ADAMTS19: variants seen among roughly 807,000 people sequenced by gnomAD.
The protein encoded by ADAMTS19 is A disintegrin and metalloproteinase with thrombospondin motifs 19.
ADAMTS19 carries 93 observed loss-of-function variants against 153.3 expected under a neutral mutation model. The observed-to-expected ratio is 0.61, with a 90% CI of 0.51 to 0.72. ADAMTS19 has a LOEUF of 0.72. Ranked by LOEUF, ADAMTS19 falls within the 30% of genes least tolerant of loss-of-function variation. The pLI is 0.00. For synonymous variants in ADAMTS19, 600 were observed against 556.6 expected, an observed-to-expected ratio of 1.08 and a Z score of -1.10; for missense variants, 1,482 against 1,552.1, an observed-to-expected ratio of 0.95 and a Z score of 0.76.
chr5:129,548,458 A>T (rs1429993007), intron 6 of ADAMTS19, among the ~76,000 whole-genome samples: 5 of 152,132 alleles, frequency 3.3e-5, no homozygotes, highest in Admixed American at 2.0e-4. Flanking sequence ...GACAAATGCA[A>T]ATCAAAACCA....
At chr5:129,472,997 A>G (rs1005257794) in intron 2 of ADAMTS19, among the ~76,000 whole-genome samples, 3 of 151,836 alleles carry the variant, frequency 2.0e-5, no homozygotes, top group Non-Finnish European at 4.4e-5. Context: ...ACTCTTTGTG[A>G]GAGGTTATCT....
At chr5:129,611,266 T>C (rs966514553) in intron 8 of ADAMTS19, among the ~76,000 whole-genome samples, 1 of 152,160 alleles carries the variant, frequency 6.6e-6, no homozygotes, top group Non-Finnish European at 1.5e-5. Context: ...GTAGTTTCTT[T>C]TGCTGTGCAG....
chr5:129,592,796 A>G (rs955983564), intron 7 of ADAMTS19, among the ~76,000 whole-genome samples: 1 of 152,166 alleles, frequency 6.6e-6, no homozygotes, highest in Non-Finnish European at 1.5e-5. Context: ...CAAATTTCAT[A>G]GACATGATTA....
At position 129,648,870 on chromosome 5, in the gene ADAMTS19, T is replaced by G; in HGVS notation, c.2076T>G (p.Pro692=). 1 of 1,614,006 alleles carries G rather than the reference T, an allele frequency of 6.2e-7. No individual in the cohort carries two copies. Among genetic ancestry groups the G allele is most frequent in the Non-Finnish European group, 8.5e-7 (1 of 1,179,906 alleles). ...GAATATGTGAGAATCCACCTTGTCC[T>G]GCAGGTTTGCCTGGATTCAGAGACT... ...QYRICENPPC[P]AGLPGFRDWQ... The change falls in exon 13 of 23, where the codon CCT becomes CCG. Residue 692 remains proline (P), a synonymous_variant. Transcript: ENST00000274487.
intron 7 of ADAMTS19, among the ~76,000 whole-genome samples, chr5:129,558,780 T>C (rs6864626): frequency 0.84 from 126,953 of 151,940 alleles, 53,281 homozygotes; most frequent in Non-Finnish European, 0.88. Context: ...TGCAGTTGCC[T>C]GTATTTGGAA....
At chr5:129,725,534 T>A (rs1457860511) in intron 21 of ADAMTS19, among the ~76,000 whole-genome samples, 1 of 152,132 alleles carries the variant, frequency 6.6e-6, no homozygotes, top group Non-Finnish European at 1.5e-5. Flanking sequence ...ACTTGCCCAA[T>A]TCCTGAGATC....
At chr5:129,734,892 A>G in intron 21 of ADAMTS19, 40 bp from the exon 22 acceptor site, 1 of 1,453,778 alleles carries the variant, frequency 6.9e-7, no homozygotes, top group Non-Finnish European at 9.1e-7. Flanking sequence ...CAAAAAATAA[A>G]AATAAAAAAG....
chr5:129,610,869 T>A lies in ADAMTS19; in HGVS notation c.1479-9749T>A, dbSNP rs556214706. On this transcript the variant is annotated intron_variant, in intron 8 of 22. Coordinates refer to ENST00000274487, the MANE Select transcript of ADAMTS19 (RefSeq NM_133638.6). ...AGATCCCTGAGGAATCGCCACACTG[T>A]CTTCCACAATGGTTGAACTAGTTTA... Among the ~76,000 whole-genome samples, 630 of 152,280 alleles carry A rather than the reference T, an allele frequency of 4.1e-3. 5 individuals are homozygous for A. Among genetic ancestry groups the A allele is most frequent in the African/African-American group, 0.015 (607 of 41,564 alleles).
intron 6 of ADAMTS19, among the ~76,000 whole-genome samples, chr5:129,550,581 T>G (rs1753054591): frequency 6.7e-6 from 1 of 149,054 alleles, no homozygotes. Flanking sequence ...TATACATATA[T>G]AGATATATGT....
chr5:129,635,056 C>G (rs1432665337), intron 10 of ADAMTS19, among the ~76,000 whole-genome samples: 11 of 151,880 alleles, frequency 7.2e-5, no homozygotes, highest in Admixed American at 7.2e-4. Context: ...GCAACAATAG[C>G]AAACTTAAGT....
chr5:129,605,095 C>T (rs1380543652), intron 8 of ADAMTS19, among the ~76,000 whole-genome samples: 1 of 152,234 alleles, frequency 6.6e-6, no homozygotes, highest in Non-Finnish European at 1.5e-5. Context: ...ACCAACACTT[C>T]TCATCTGGAT....
chr5:129,622,099 AT>A (rs1226417653), intron 9 of ADAMTS19, 98 bp from the exon 10 acceptor site: 20 of 1,168,610 alleles, frequency 1.7e-5, no homozygotes, highest in African/African-American at 1.6e-5. Context: ...TTAGAGATAT[AT>A]TTTTGATATT....
chr5:129,702,941 A>AAAAAAAAAAATATATATATAT, intron 20 of ADAMTS19, among the ~76,000 whole-genome samples: 2 of 29,306 alleles, frequency 6.8e-5, no homozygotes, highest in African/African-American at 8.5e-5. Context: ...AAAAAAAAAA[A>AAAAAAAAAAATATATATATAT]ATATATATAT....
At chr5:129,703,212 C>A (rs1480183204) in intron 20 of ADAMTS19, among the ~76,000 whole-genome samples, 1 of 150,444 alleles carries the variant, frequency 6.6e-6, no homozygotes, top group East Asian at 1.9e-4. Context: ...TGCCTTTAGA[C>A]AACAGGAATA....
Position 129,701,504 on chromosome 5 carries a change from G to A in ADAMTS19, c.3071G>A (p.Arg1024Lys), listed in dbSNP as rs200004633. Residue 1024 changes from arginine (R) to lysine (K), a missense_variant, in exon 20 of 23, where the codon AGG becomes AAG. By Grantham distance (26) the Arg-to-Lys change is conservative. Transcript: ENST00000274487. ...SNGTLIRARE[R>K]DCIGPKPASA... is the part of the protein sequence containing the mutation. Reference sequence around the variant, plus strand: ...GGAACACTGATTAGAGCCCGAGAGAGGGACTGCATTGGGCCCAAGCCCGCC... The same window carrying A: ...GGAACACTGATTAGAGCCCGAGAGAAGGACTGCATTGGGCCCAAGCCCGCC... 39 of 1,614,200 alleles carry A rather than the reference G, an allele frequency of 2.4e-5. No homozygotes were observed. In the East Asian group the frequency reaches 8.7e-4, roughly 36 times the overall value.
chr5:129,717,879 G>C (rs1756802365), intron 21 of ADAMTS19, among the ~76,000 whole-genome samples: 1 of 152,136 alleles, frequency 6.6e-6, no homozygotes, highest in African/African-American at 2.4e-5. Flanking sequence ...TGGCCACAGA[G>C]GGATCTGATC....
At chr5:129,695,390 G>C (rs965127236) in intron 19 of ADAMTS19, among the ~76,000 whole-genome samples, 7 of 152,122 alleles carry the variant, frequency 4.6e-5, no homozygotes, top group Non-Finnish European at 1.0e-4. Context: ...CTGTACCACA[G>C]ATGCTTTGGT....
chr5:129,600,166 T>C (rs1468287121), intron 8 of ADAMTS19, among the ~76,000 whole-genome samples: 1 of 151,984 alleles, frequency 6.6e-6, no homozygotes, highest in Non-Finnish European at 1.5e-5. Context: ...AAAGTGTTCA[T>C]GGATGTTAAA....
At chr5:129,599,767 A>G (rs1041057078) in intron 8 of ADAMTS19, among the ~76,000 whole-genome samples, 1 of 152,188 alleles carries the variant, frequency 6.6e-6, no homozygotes, top group African/African-American at 2.4e-5. Flanking sequence ...GAATAGCTCA[A>G]ATGGTACGAA....
Sources: allele counts gnomAD v4.1 joint callset (sites outside exome capture counted in the v4.1 genomes callset), GRCh38; gene constraint gnomAD v4.1.1; transcripts MANE v1.5; gene names NCBI Gene and HGNC (gene_info 2026-07-23, HGNC 2026-07-21).